The following RIMS2 variants were observed in gnomAD, a reference collection of about 807,000 sequenced individuals.
RIMS2 encodes the protein regulating synaptic membrane exocytosis 2.
A neutral mutation model predicts 174.4 loss-of-function variants in RIMS2; 59 were observed. The observed-to-expected ratio is 0.34, with a 90% confidence interval of 0.27 to 0.42. The LOEUF (loss-of-function observed/expected upper bound fraction) is 0.42. Among genes scored for constraint, RIMS2 ranks in the 10% least tolerant of loss-of-function variants. The pLI, the probability that RIMS2 is intolerant of heterozygous loss-of-function variation, is 1.00. For missense variants in RIMS2, 1,620 were observed against 1,666.3 expected (o/e 0.97, Z 0.48); for synonymous variants, 606 against 572.5 (o/e 1.06, Z -0.84).
chr8:104,012,724 A>G (rs1164458949), intron 17 of RIMS2, among the ~76,000 whole-genome samples: 3 of 152,150 alleles, frequency 2.0e-5, no homozygotes, highest in Admixed American at 6.6e-5. Context: ...AAATTTAAGG[A>G]TACTTCCTTC....
At chr8:103,566,310 A>G (rs990833809) in intron 1 of RIMS2, among the ~76,000 whole-genome samples, 9 of 151,838 alleles carry the variant, frequency 5.9e-5, no homozygotes, top group Admixed American at 3.9e-4. Flanking sequence ...GGTATTTCCT[A>G]TTTCTTCTGT....
rs528989432 is a variant in RIMS2, at chr8:103,887,212, T to C, written c.1624+989T>C. 4.6e-5 allele frequency among the ~76,000 whole-genome samples: 7 copies of C among 151,904 alleles called. No homozygotes were observed. The South Asian group carries it at 1.2e-3, about 27-fold the overall frequency. ...TCTGCATTTGATATCTTCTGTGAAT[T>C]ATCTGTTCATTCCTTTAATTCCTTC... On this transcript the variant is annotated intron_variant, in intron 4 of 23. Transcript: ENST00000504942.
chr8:103,627,744 A>G (rs2095821066), intron 1 of RIMS2, among the ~76,000 whole-genome samples: 1 of 152,238 alleles, frequency 6.6e-6, no homozygotes, highest in Non-Finnish European at 1.5e-5. Context: ...ACAATGGAGA[A>G]CTACTGACTT....
intron 2 of RIMS2, among the ~76,000 whole-genome samples, chr8:103,750,534 G>A (rs916526707): frequency 5.9e-5 from 9 of 152,054 alleles, no homozygotes; most frequent in Non-Finnish European, 1.2e-4. Flanking sequence ...TTTATGATAC[G>A]GTTTGGCTTT....
chr8:103,677,380 G>T (rs147456377), intron 1 of RIMS2, among the ~76,000 whole-genome samples: 81 of 152,230 alleles, frequency 5.3e-4, no homozygotes, highest in Non-Finnish European at 8.5e-4. Flanking sequence ...AGACACCTTA[G>T]GCCTCTAACT....
intron 4 of RIMS2, among the ~76,000 whole-genome samples, chr8:103,891,119 C>T (rs1047081735): frequency 6.6e-6 from 1 of 152,048 alleles, no homozygotes; most frequent in Admixed American, 6.6e-5. Context: ...GTCTCCTCCC[C>T]ACTTCACTTT....
intron 3 of RIMS2, among the ~76,000 whole-genome samples, chr8:103,771,865 A>G (rs1344281599): frequency 2.0e-5 from 3 of 152,108 alleles, no homozygotes; most frequent in African/African-American, 7.2e-5. Context: ...ACAGATATTT[A>G]TTGAATTTCA....
chr8:103,640,606 CTT>C (rs1342685883), intron 1 of RIMS2, among the ~76,000 whole-genome samples: 1 of 152,008 alleles, frequency 6.6e-6, no homozygotes, highest in African/African-American at 2.4e-5. Flanking sequence ...TATTTTGAGA[CTT>C]GACTCACATA....
intron 1 of RIMS2, among the ~76,000 whole-genome samples, chr8:103,617,854 G>T (rs1204902522): frequency 6.6e-6 from 1 of 152,082 alleles, no homozygotes; most frequent in Non-Finnish European, 1.5e-5. Flanking sequence ...TCAAAAAATA[G>T]CAGATGCTGG....
At chr8:103,848,580 T>A (rs760324112) in intron 3 of RIMS2, among the ~76,000 whole-genome samples, 21 of 152,008 alleles carry the variant, frequency 1.4e-4, no homozygotes, top group African/African-American at 1.9e-4. Context: ...AGTCTTGAGA[T>A]CAGATGTTCC....
chr8:103,734,014 CTTTTTT>C (rs59348302), intron 2 of RIMS2, among the ~76,000 whole-genome samples: 44 of 85,732 alleles, frequency 5.1e-4, no homozygotes, highest in African/African-American at 1.4e-3. Flanking sequence ...CTAAAAGCTT[CTTTTTT>C]TTTTTTTTTT....
intron 1 of RIMS2, among the ~76,000 whole-genome samples, chr8:103,543,612 C>T (rs1198539580): frequency 6.6e-6 from 1 of 152,144 alleles, no homozygotes; most frequent in Non-Finnish European, 1.5e-5. Flanking sequence ...ATCTCCAAAG[C>T]TATAGTACCA....
chr8:103,539,502 T>C (rs995851714), intron 1 of RIMS2, among the ~76,000 whole-genome samples: 2 of 152,072 alleles, frequency 1.3e-5, no homozygotes, highest in Admixed American at 6.5e-5. Context: ...CACTGGTGAA[T>C]TGGCTTACCT....
At chr8:103,534,488 A>C (rs1234574171) in intron 1 of RIMS2, among the ~76,000 whole-genome samples, 1 of 152,242 alleles carries the variant, frequency 6.6e-6, no homozygotes, top group Non-Finnish European at 1.5e-5. Context: ...AGAAGTCTCA[A>C]ACTCAATTCT....
At chr8:104,185,150 C>T (rs2098961433) in intron 19 of RIMS2, among the ~76,000 whole-genome samples, 1 of 151,474 alleles carries the variant, frequency 6.6e-6, no homozygotes, top group Non-Finnish European at 1.5e-5. Flanking sequence ...TCATTTCACA[C>T]CAGGAACCTA....
intron 20 of RIMS2, among the ~76,000 whole-genome samples, 161 bp downstream of exon 26, chr8:104,245,218 A>G (rs1012978460): frequency 6.6e-6 from 1 of 152,242 alleles, no homozygotes; most frequent in African/African-American, 2.4e-5. Context: ...CCACTGAACA[A>G]TGTGACATAT....
intron 1 of RIMS2, among the ~76,000 whole-genome samples, chr8:103,525,640 C>G (rs1161788981): frequency 6.6e-6 from 1 of 152,146 alleles, no homozygotes; most frequent in African/African-American, 2.4e-5. Flanking sequence ...AGAATAGATA[C>G]TAGACAGGCA....
intron 1 of RIMS2, among the ~76,000 whole-genome samples, chr8:103,529,578 G>C (rs557366977): frequency 9.1e-4 from 138 of 152,318 alleles, no homozygotes; most frequent in African/African-American, 3.2e-3. Flanking sequence ...TGCTTCCCGG[G>C]TGAGGCGATG....
intron 1 of RIMS2, among the ~76,000 whole-genome samples, chr8:103,664,661 C>G (rs1013103798): frequency 2.0e-5 from 3 of 152,180 alleles, no homozygotes; most frequent in Non-Finnish European, 2.9e-5. Context: ...AATAGGAACA[C>G]TTTTACACTG....
Sources: gnomAD v4.1 joint callset for allele counts (sites outside exome capture counted in the v4.1 genomes callset) on GRCh38, gnomAD v4.1.1 for gene constraint, MANE v1.5 for transcripts, NCBI Gene and HGNC (gene_info 2026-07-23, HGNC 2026-07-21) for gene names.